SEMA3F: variants seen among roughly 807,000 people sequenced by gnomAD.
The protein encoded by SEMA3F is semaphorin-3F.
SEMA3F carries 30 observed loss-of-function variants against 98.5 expected under a neutral mutation model. That is an observed-to-expected ratio of 0.30 (90% CI 0.23 to 0.41). The LOEUF (loss-of-function observed/expected upper bound fraction) is 0.41, where lower values mean the gene tolerates loss of function less well. Ranked by LOEUF, SEMA3F falls within the 10% of genes least tolerant of loss-of-function variation. SEMA3F has a pLI of 1.00. For synonymous variants in SEMA3F, 380 were observed against 444.8 expected, an observed-to-expected ratio of 0.85 and a Z score of 1.83; for missense variants, 866 against 1,119.3, an observed-to-expected ratio of 0.77 and a Z score of 3.23.
chr3:50,167,025 A>G (rs1350244979), intron 2 of SEMA3F, among the ~76,000 whole-genome samples: 1 of 151,962 alleles, frequency 6.6e-6, no homozygotes, highest in African/African-American at 2.4e-5. Flanking sequence ...CCCTCTTTCC[A>G]TCCCCTTCAT....
intron 2 of SEMA3F, among the ~76,000 whole-genome samples, chr3:50,172,168 G>T (rs1698637002): frequency 6.6e-6 from 1 of 152,192 alleles, no homozygotes; most frequent in African/African-American, 2.4e-5. Context: ...CTGGGGAGGG[G>T]AGATGAGACA....
intron 7 of SEMA3F, among the ~76,000 whole-genome samples, chr3:50,178,491 C>T (rs927342065): frequency 2.0e-5 from 3 of 151,796 alleles, no homozygotes; most frequent in Non-Finnish European, 4.4e-5. Flanking sequence ...GAGGCTGAGG[C>T]GGGTGGATCA....
chr3:50,183,293 G>A, intron 11 of SEMA3F, 38 bp downstream of exon 11: 1 of 1,609,642 alleles, frequency 6.2e-7, no homozygotes. Context: ...GCAGGGAGTG[G>A]CCCCGTTGGG....
intron 2 of SEMA3F, among the ~76,000 whole-genome samples, chr3:50,167,515 G>A (rs1287283366): frequency 2.0e-5 from 3 of 152,180 alleles, no homozygotes; most frequent in Non-Finnish European, 4.4e-5. Context: ...GGGGCGGAAC[G>A]GGCGTGGGAA....
chr3:50,159,243 A>G (rs1230814861), intron 1 of SEMA3F: 2 of 189,026 alleles, frequency 1.1e-5, no homozygotes, highest in South Asian at 1.6e-4. Flanking sequence ...GCAGGGGAGA[A>G]AGGAGAAAGC....
chr3:50,161,469 G>T (rs945473833), intron 2 of SEMA3F, among the ~76,000 whole-genome samples: 11 of 152,218 alleles, frequency 7.2e-5, no homozygotes, highest in Non-Finnish European at 1.5e-4. Context: ...TAGCTCTGAA[G>T]CCGACACCCG....
intron 1 of SEMA3F, among the ~76,000 whole-genome samples, chr3:50,157,873 G>A (rs769944210): frequency 2.0e-5 from 3 of 152,252 alleles, no homozygotes; most frequent in Non-Finnish European, 2.9e-5. Context: ...GGGGGGAGGC[G>A]GGAGGCAGGT....
At chr3:50,169,880 G>T (rs1698536674) in intron 2 of SEMA3F, among the ~76,000 whole-genome samples, 1 of 152,158 alleles carries the variant, frequency 6.6e-6, no homozygotes, top group South Asian at 2.1e-4. Context: ...GTAGGATCTG[G>T]CACCTGCTGA....
At chr3:50,162,899 T>C (rs1391130952) in intron 2 of SEMA3F, among the ~76,000 whole-genome samples, 1 of 152,100 alleles carries the variant, frequency 6.6e-6, no homozygotes, top group Non-Finnish European at 1.5e-5. Context: ...TCAGGAAAGA[T>C]GAACATAATC....
chr3:50,163,698 C>A (rs1014195484), intron 2 of SEMA3F, among the ~76,000 whole-genome samples: 4 of 152,088 alleles, frequency 2.6e-5, no homozygotes, highest in African/African-American at 7.2e-5. Context: ...CTTGGCCAGC[C>A]AGAGCAAGGC....
At position 50,188,200 on chromosome 3, in the gene SEMA3F, A is replaced by AT. The variant is rs1699310256; in HGVS notation, c.*85_*86insT. The AT allele has an allele frequency of 9.2e-5, 31 of 337,886 alleles. No homozygotes were observed. The highest frequency in any genetic ancestry group is 4.8e-4 in the East Asian group (6 of 12,416). The allele number at this position is 337,886 out of a possible 1,614,324, so 20.9% of individuals were successfully genotyped here. On this transcript the variant is annotated 3_prime_UTR_variant, in exon 19 of 19. Coordinates refer to ENST00000002829, the MANE Select transcript of SEMA3F (RefSeq NM_004186.5). The surrounding 1 kb of genome is among the most constrained non-coding windows in gnomAD (Gnocchi z 4.5). ...ATATATATATATATATATATATATA[A>AT]AATATCTATATTCTATACACACCCT...
chr3:50,167,507 G>A (rs2109072308), intron 2 of SEMA3F, among the ~76,000 whole-genome samples: 1 of 152,338 alleles, frequency 6.6e-6, no homozygotes, highest in East Asian at 1.9e-4. Context: ...TGAGCACTGG[G>A]GCGGAACGGG....
At position 50,168,817 on chromosome 3, in the gene SEMA3F, G is replaced by T. The variant is rs575447582; in HGVS notation, c.113-4976G>T. On this transcript the variant is annotated intron_variant, in intron 2 of 18. Coordinates refer to ENST00000002829, the MANE Select transcript of SEMA3F (RefSeq NM_004186.5). ...TTGCCGCCACTGCTACTATAGCCTT[G>T]GCTACCTCAGTTTCCCTCCTCAGAA... Among the ~76,000 whole-genome samples, 4 of 152,274 alleles carry T rather than the reference G, an allele frequency of 2.6e-5. No individual in the cohort carries two copies. The South Asian group carries it at 8.3e-4, about 32-fold the overall frequency.
intron 18 of SEMA3F, among the ~76,000 whole-genome samples, chr3:50,187,476 C>T (rs373516110): frequency 2.3e-4 from 34 of 150,170 alleles, no homozygotes; most frequent in African/African-American, 8.1e-4. Flanking sequence ...AAATTTTCCT[C>T]ATTGTACAGA....
rs1446679221 is a variant in SEMA3F, at chr3:50,184,665, G to A, written c.1307G>A (p.Arg436His). Residue 436 changes from arginine (R) to histidine (H), a missense_variant, in exon 13 of 19, where the codon CGC becomes CAC. Around this residue, in one of 3 missense-constraint regions of SEMA3F, gnomAD observed 374 missense variants for 582.8 expected, o/e 0.64. Coordinates refer to ENST00000002829, the MANE Select transcript of SEMA3F (RefSeq NM_004186.5). ...CCTGATGAGGTGATCAACTTCATGC[G>A]CAGCCACCCACTCATGTACCAGGCC... ...DYPDEVINFMRSHPLMYQAVY... is the reference protein window; with the variant it reads ...DYPDEVINFMHSHPLMYQAVY... 8.1e-6 allele frequency: 13 copies of A among 1,613,986 alleles called. No homozygotes were observed. The highest frequency in any genetic ancestry group is 1.3e-5 in the African/African-American group (1 of 74,908).
chr3:50,176,956 C>G, intron 7 of SEMA3F, 95 bp downstream of exon 7: 1 of 1,013,588 alleles, frequency 9.9e-7, no homozygotes, highest in Non-Finnish European at 1.5e-6. Flanking sequence ...GGGCAGAGAC[C>G]ATGACTAGGC....
intron 2 of SEMA3F, among the ~76,000 whole-genome samples, chr3:50,170,160 G>A (rs1056278086): frequency 2.6e-5 from 4 of 152,142 alleles, no homozygotes; most frequent in African/African-American, 9.7e-5. Context: ...CCAGCTGTGG[G>A]TTGAGAAGGC....
chr3:50,180,887 T>G (rs1698988882), intron 7 of SEMA3F, among the ~76,000 whole-genome samples: 1 of 151,974 alleles, frequency 6.6e-6, no homozygotes, highest in African/African-American at 2.4e-5. Context: ...GCCAACATGG[T>G]GAAACCCCGT....
intron 7 of SEMA3F, among the ~76,000 whole-genome samples, chr3:50,178,917 C>T (rs1163246756): frequency 7.4e-5 from 11 of 147,978 alleles, no homozygotes; most frequent in Non-Finnish European, 1.2e-4. Context: ...CTGCAAGTTC[C>T]GCCTCCCGGG....
Sources: allele counts gnomAD v4.1 joint callset (sites outside exome capture counted in the v4.1 genomes callset), GRCh38; gene constraint gnomAD v4.1.1; regional missense constraint gnomAD v4.1.1; non-coding constraint Gnocchi (gnomAD v3.1); transcripts MANE v1.5; gene names NCBI Gene and HGNC (gene_info 2026-07-23, HGNC 2026-07-21).